Variants in RAP1GAP2 observed in about 807,000 individuals in gnomAD.
RAP1GAP2 encodes the protein rap1 GTPase-activating protein 2.
A neutral mutation model predicts 95.0 loss-of-function variants in RAP1GAP2; 27 were observed. The ratio of observed to expected loss-of-function variants is 0.28; its 90% CI spans 0.21 to 0.39. RAP1GAP2 has a LOEUF of 0.39. Ranked by LOEUF, RAP1GAP2 falls within the 10% of genes least tolerant of loss-of-function variation. The pLI is 1.00. For synonymous variants in RAP1GAP2, 373 were observed against 380.9 expected, an observed-to-expected ratio of 0.98 and a Z score of 0.24; for missense variants, 771 against 970.0, an observed-to-expected ratio of 0.79 and a Z score of 2.72.
Position 2,866,893 on chromosome 17 carries a change from C to T in RAP1GAP2, c.81-38391C>T, listed in dbSNP as rs1172217807. Among the ~76,000 whole-genome samples the T allele has an allele frequency of 6.7e-6, 1 of 149,136 alleles. No homozygotes were observed. The highest frequency in any genetic ancestry group is 1.5e-5 in the Non-Finnish European group (1 of 67,628). Reference sequence around the variant, plus strand: ...GGGATTACAGGTGTGAGCCACTGCACTCGGCCTATTTTATTTTTTATTTTA... The same window carrying T: ...GGGATTACAGGTGTGAGCCACTGCATTCGGCCTATTTTATTTTTTATTTTA... On this transcript the variant is annotated intron_variant, in intron 2 of 24. Coordinates refer to ENST00000254695, the MANE Select transcript of RAP1GAP2 (RefSeq NM_015085.5). This position sits in a 1 kb window ranked among gnomAD's most constrained non-coding sequence, Gnocchi z 4.0.
intron 2 of RAP1GAP2, among the ~76,000 whole-genome samples, chr17:2,896,198 A>G (rs945330761): frequency 2.0e-5 from 3 of 152,112 alleles, no homozygotes; most frequent in Non-Finnish European, 4.4e-5. Context: ...CGGGTCTTTC[A>G]GGTGGGTGTG....
At chr17:2,900,398 A>C (rs1217625134) in intron 2 of RAP1GAP2, among the ~76,000 whole-genome samples, 2 of 152,124 alleles carry the variant, frequency 1.3e-5, no homozygotes, top group Admixed American at 6.6e-5. Flanking sequence ...CTACATTGAT[A>C]TAGAACTTCA....
intron 12 of RAP1GAP2, among the ~76,000 whole-genome samples, chr17:2,992,609 C>T (rs1345828501): frequency 2.6e-5 from 4 of 152,168 alleles, no homozygotes; most frequent in Non-Finnish European, 5.9e-5. Context: ...TGGCAGATGG[C>T]TCCAGGCCCC....
chr17:2,860,786 A>G (rs1056917614), intron 2 of RAP1GAP2, among the ~76,000 whole-genome samples: 2 of 151,344 alleles, frequency 1.3e-5, no homozygotes, highest in African/African-American at 4.9e-5. Context: ...TTGTATTTTC[A>G]GTAGAGATGG....
chr17:2,929,587 T>G (rs1012522707), intron 3 of RAP1GAP2, among the ~76,000 whole-genome samples: 5 of 152,086 alleles, frequency 3.3e-5, no homozygotes, highest in African/African-American at 1.2e-4. Context: ...GGGGAGCAGG[T>G]GAGGTTGACT....
intron 14 of RAP1GAP2, 60 bp downstream of exon 14, chr17:2,998,436 G>A: frequency 1.3e-6 from 2 of 1,572,812 alleles, no homozygotes; most frequent in Non-Finnish European, 1.7e-6. Context: ...CTGTGTGGAT[G>A]CTGTGATATC....
At chr17:2,762,753 C>A (rs548082049) in intron 1 of RAP1GAP2, among the ~76,000 whole-genome samples, 142 of 150,792 alleles carry the variant, frequency 9.4e-4, no homozygotes, top group African/African-American at 3.3e-3. Context: ...AATTCGGGCC[C>A]TAGCACTGGG....
At chr17:2,783,048 A>G (rs2068694361) in intron 1 of RAP1GAP2, among the ~76,000 whole-genome samples, 1 of 152,126 alleles carries the variant, frequency 6.6e-6, no homozygotes, top group Non-Finnish European at 1.5e-5. Flanking sequence ...TTTTATGAGG[A>G]AGTTTTCCCA....
intron 2 of RAP1GAP2, among the ~76,000 whole-genome samples, chr17:2,830,232 T>G (rs531766058): frequency 1.3e-5 from 2 of 150,668 alleles, no homozygotes; most frequent in South Asian, 2.1e-4. Flanking sequence ...GCCAACATGG[T>G]GAAACCCTGT....
chr17:2,839,351 G>A (rs1396219769), intron 2 of RAP1GAP2, among the ~76,000 whole-genome samples: 1 of 151,680 alleles, frequency 6.6e-6, no homozygotes, highest in Non-Finnish European at 1.5e-5. Context: ...TAAAATTACA[G>A]AAAAATTAAG....
intron 2 of RAP1GAP2, among the ~76,000 whole-genome samples, chr17:2,818,351 C>T (rs900415653): frequency 6.9e-6 from 1 of 144,444 alleles, no homozygotes; most frequent in African/African-American, 2.5e-5. Context: ...ATTTTTGAGA[C>T]GGAGTCTCTG....
rs186076751 is a variant in RAP1GAP2 at position 2,780,080 on chromosome 17, C to T, written c.-14+2802C>T. Among the ~76,000 whole-genome samples the T allele has an allele frequency of 5.2e-3, 790 of 152,206 alleles. 9 individuals are homozygous for T. The highest frequency in any genetic ancestry group is 0.017 in the African/African-American group (714 of 41,540). ...GTTCCTTTTTTTTGAGATGGAGTTTCGCTCTTGTTGTCCAGGCTGGAGTGC... is the reference window on the plus strand; with the variant it reads ...GTTCCTTTTTTTTGAGATGGAGTTTTGCTCTTGTTGTCCAGGCTGGAGTGC... On this transcript the variant is annotated intron_variant, in intron 1 of 24. Coordinates refer to the RAP1GAP2 transcript ENST00000540393.
chr17:2,966,530 T>G (rs1261498065), intron 8 of RAP1GAP2, among the ~76,000 whole-genome samples: 1 of 152,108 alleles, frequency 6.6e-6, no homozygotes, highest in Non-Finnish European at 1.5e-5. Flanking sequence ...CCTGCCCAAA[T>G]TTTGAGATAA....
intron 2 of RAP1GAP2, among the ~76,000 whole-genome samples, chr17:2,880,314 A>G (rs1333151354): frequency 1.6e-5 from 2 of 124,458 alleles, no homozygotes; most frequent in Non-Finnish European, 3.3e-5. Context: ...GTGGAGAGGA[A>G]GTGAGAGGGG....
intron 2 of RAP1GAP2, among the ~76,000 whole-genome samples, chr17:2,885,307 C>T (rs902527230): frequency 2.0e-5 from 3 of 152,190 alleles, no homozygotes; most frequent in African/African-American, 7.2e-5. Flanking sequence ...GCTGGGATTA[C>T]AGGCGTGAGC....
chr17:2,916,388 C>T (rs752031637), intron 3 of RAP1GAP2, among the ~76,000 whole-genome samples: 2 of 152,192 alleles, frequency 1.3e-5, no homozygotes, highest in Non-Finnish European at 2.9e-5. Context: ...CGTAGGCAGC[C>T]ACTGGCAGTC....
In RAP1GAP2 at chr17:3,004,687, A is replaced by C. The variant is rs8075978; in HGVS notation, c.1201-682A>C. 0.96 allele frequency among the ~76,000 whole-genome samples: 146,233 copies of C among 152,334 alleles called. 70,264 individuals carry two copies. Among genetic ancestry groups the C allele is most frequent in the African/African-American group, 0.99 (41,310 of 41,584 alleles). ...CACCCTCAGTTCCTAGCCTGGGCCT[A>C]GGACTGGCTGACCCCGTGTGTGGGG... On this transcript the variant is annotated intron_variant, in intron 14 of 24. Transcript: ENST00000254695. The surrounding 1 kb of genome is among the most constrained non-coding windows in gnomAD (Gnocchi z 4.1).
chr17:2,998,346 G>A lies in RAP1GAP2; in HGVS notation c.1170G>A (p.Glu390=). 5 of 1,614,020 alleles carry A rather than the reference G, an allele frequency of 3.1e-6. No homozygotes were observed. Among genetic ancestry groups the A allele is most frequent in the Non-Finnish European group, 4.2e-6 (5 of 1,179,900 alleles). Reference sequence around the variant, plus strand: ...ATGCCTACATCGTCGTGCAGGTCGAGACCCCAGGCACAGAGACCCCATCCT... The same window carrying A: ...ATGCCTACATCGTCGTGCAGGTCGAAACCCCAGGCACAGAGACCCCATCCT... ...FLHAYIVVQV[E]TPGTETPSYK... is the part of the protein sequence containing the mutation. Residue 390 remains glutamate (E), a synonymous_variant, in exon 14 of 25, where the codon GAG becomes GAA. Coordinates refer to ENST00000254695, the MANE Select transcript of RAP1GAP2 (RefSeq NM_015085.5).
intron 3 of RAP1GAP2, among the ~76,000 whole-genome samples, chr17:2,934,621 G>T (rs949585138): frequency 6.6e-6 from 1 of 152,154 alleles, no homozygotes; most frequent in African/African-American, 2.4e-5. Flanking sequence ...TAATTACTGA[G>T]TGTCTACTAC....
Sources: gnomAD v4.1 joint callset for allele counts (sites outside exome capture counted in the v4.1 genomes callset) on GRCh38, gnomAD v4.1.1 for gene constraint, Gnocchi (gnomAD v3.1) non-coding constraint, MANE v1.5 for transcripts, NCBI Gene and HGNC (gene_info 2026-07-23, HGNC 2026-07-21) for gene names.